The following KCNH1 variants were observed in gnomAD, a reference collection of about 807,000 sequenced individuals.
KCNH1 encodes potassium voltage-gated channel subfamily H member 1.
Under a neutral mutation model 69.2 loss-of-function variants are expected in KCNH1, and 27 were observed. The ratio of observed to expected loss-of-function variants is 0.39; its 90% CI spans 0.29 to 0.54. The LOEUF (loss-of-function observed/expected upper bound fraction) is 0.54. Among genes scored for constraint, KCNH1 ranks in the 20% least tolerant of loss-of-function variants. The probability of loss-of-function intolerance (pLI) is 0.68; values close to 1 mark genes in which losing one functional copy is unlikely to be tolerated. For synonymous variants in KCNH1, 456 were observed against 487.7 expected, an observed-to-expected ratio of 0.93 and a Z score of 0.86; for missense variants, 798 against 1,261.6, an observed-to-expected ratio of 0.63 and a Z score of 5.57.
At chr1:210,985,783 T>C (rs1183054617) in intron 6 of KCNH1, among the ~76,000 whole-genome samples, 1 of 152,210 alleles carries the variant, frequency 6.6e-6, no homozygotes, top group Non-Finnish European at 1.5e-5. Flanking sequence ...GAGAGTTCTA[T>C]AGATGTCTAT....
At chr1:211,028,223 A>G (rs1053014696) in intron 5 of KCNH1, among the ~76,000 whole-genome samples, 1 of 152,124 alleles carries the variant, frequency 6.6e-6, no homozygotes, top group Non-Finnish European at 1.5e-5. Context: ...TCACACTTCT[A>G]AATAATCCAT....
intron 7 of KCNH1, among the ~76,000 whole-genome samples, chr1:210,906,927 C>T (rs571299208): frequency 6.6e-6 from 1 of 152,236 alleles, no homozygotes; most frequent in South Asian, 2.1e-4. Context: ...AGATTAAATA[C>T]CAAGATCCTT....
chr1:210,985,379 T>C (rs184192507), intron 6 of KCNH1, among the ~76,000 whole-genome samples: 14 of 152,312 alleles, frequency 9.2e-5, no homozygotes, highest in Admixed American at 2.6e-4. Flanking sequence ...GATGTCAGGG[T>C]GTCAATTTTG....
At chr1:210,999,489 C>A (rs1425814918) in intron 6 of KCNH1, among the ~76,000 whole-genome samples, 1 of 152,112 alleles carries the variant, frequency 6.6e-6, no homozygotes, top group Non-Finnish European at 1.5e-5. Context: ...CTGAATAGAC[C>A]AATAACAGGC....
chr1:210,805,545 T>G lies in KCNH1; in HGVS notation c.1463-1379A>C, dbSNP rs987654280. Among the ~76,000 whole-genome samples, 5 of 152,298 alleles carry G rather than the reference T, an allele frequency of 3.3e-5. No individual in the cohort carries two copies. In the South Asian group the frequency reaches 1.0e-3, roughly 32 times the overall value. On this transcript the variant is annotated intron_variant, in intron 7 of 10. Transcript: ENST00000271751. ...CAGATTAACCTTCATTTTCTAGAAT[T>G]TTATATACATGGAATCATACAATAT...
chr1:211,012,880 G>A (rs1456142299), intron 6 of KCNH1, among the ~76,000 whole-genome samples: 2 of 152,164 alleles, frequency 1.3e-5, no homozygotes, highest in African/African-American at 4.8e-5. Flanking sequence ...AACTGTGTGC[G>A]AGGAGGGGAG....
At chr1:210,892,675 C>T (rs1051699932) in intron 7 of KCNH1, among the ~76,000 whole-genome samples, 3 of 152,050 alleles carry the variant, frequency 2.0e-5, no homozygotes, top group African/African-American at 7.2e-5. Flanking sequence ...AAATGGACCC[C>T]AAAAAACTAA....
chr1:210,957,830 T>C (rs1688209046), intron 6 of KCNH1, among the ~76,000 whole-genome samples: 1 of 152,188 alleles, frequency 6.6e-6, no homozygotes, highest in Non-Finnish European at 1.5e-5. Flanking sequence ...ATGGGTCTCC[T>C]GAATACAGCA....
At chr1:210,766,626 A>T (rs1203915499) in intron 10 of KCNH1, among the ~76,000 whole-genome samples, 1 of 152,218 alleles carries the variant, frequency 6.6e-6, no homozygotes, top group African/African-American at 2.4e-5. Context: ...TAAAGAGAAG[A>T]TATATGGAGT....
At chr1:210,847,448 G>T (rs1366430610) in intron 7 of KCNH1, among the ~76,000 whole-genome samples, 1 of 152,094 alleles carries the variant, frequency 6.6e-6, no homozygotes, top group Non-Finnish European at 1.5e-5. Context: ...GATGAAACTG[G>T]AAACCATCAT....
At chr1:210,834,376 C>G (rs1685236993) in intron 7 of KCNH1, among the ~76,000 whole-genome samples, 1 of 142,100 alleles carries the variant, frequency 7.0e-6, no homozygotes, top group South Asian at 2.3e-4. Flanking sequence ...GAGTTCATGT[C>G]CTTTGTAGGG....
chr1:210,827,477 G>A (rs1441081315), intron 7 of KCNH1, among the ~76,000 whole-genome samples: 2 of 152,180 alleles, frequency 1.3e-5, no homozygotes, highest in Admixed American at 1.3e-4. Context: ...GAATTGGTAA[G>A]ATCAAAGATG....
chr1:210,995,583 C>T (rs1242802533), intron 6 of KCNH1, among the ~76,000 whole-genome samples: 2 of 152,162 alleles, frequency 1.3e-5, no homozygotes, highest in Non-Finnish European at 2.9e-5. Context: ...TAATAGGGTC[C>T]ATTTATCATA....
intron 6 of KCNH1, among the ~76,000 whole-genome samples, chr1:210,987,110 C>G (rs1218499992): frequency 6.6e-6 from 1 of 152,178 alleles, no homozygotes; most frequent in Non-Finnish European, 1.5e-5. Flanking sequence ...TCACATAGTT[C>G]TTGTGCCTTG....
intron 5 of KCNH1, among the ~76,000 whole-genome samples, chr1:211,031,089 C>T (rs1008320247): frequency 1.3e-5 from 2 of 152,034 alleles, no homozygotes; most frequent in East Asian, 1.9e-4. Flanking sequence ...AAAGGGACAA[C>T]ACCTTTCAGA....
At chr1:210,760,397 C>A (rs1683491852) in intron 10 of KCNH1, among the ~76,000 whole-genome samples, 1 of 152,146 alleles carries the variant, frequency 6.6e-6, no homozygotes, top group South Asian at 2.1e-4. Flanking sequence ...TTTTGGCATT[C>A]TTGAAAAGAT....
At chr1:210,867,168 T>A (rs922984262) in intron 7 of KCNH1, among the ~76,000 whole-genome samples, 1 of 151,990 alleles carries the variant, frequency 6.6e-6, no homozygotes, top group Non-Finnish European at 1.5e-5. Flanking sequence ...TTGGGAGTTA[T>A]GAAAATGTTC....
At chr1:210,971,284 C>T (rs1252168305) in intron 6 of KCNH1, among the ~76,000 whole-genome samples, 2 of 152,078 alleles carry the variant, frequency 1.3e-5, no homozygotes, top group African/African-American at 4.8e-5. Flanking sequence ...TTTTCATCAT[C>T]TTATATGTCT....
intron 6 of KCNH1, among the ~76,000 whole-genome samples, chr1:210,998,058 A>C (rs911403077): frequency 6.6e-6 from 1 of 152,246 alleles, no homozygotes; most frequent in Non-Finnish European, 1.5e-5. Flanking sequence ...CTGCAAAAAC[A>C]TGCCAAGTTG....
Sources: allele counts gnomAD v4.1 joint callset (sites outside exome capture counted in the v4.1 genomes callset), GRCh38; gene constraint gnomAD v4.1.1; transcripts MANE v1.5; gene names NCBI Gene and HGNC (gene_info 2026-07-23, HGNC 2026-07-21).